Variants in PRH1 observed in about 807,000 individuals in gnomAD.
PRH1 encodes the protein proline rich protein HaeIII subfamily 1.
A neutral mutation model predicts 7.9 loss-of-function variants in PRH1; 7 were observed. The ratio of observed to expected loss-of-function variants is 0.89; its 90% CI spans 0.50 to 1.67. PRH1 has a LOEUF of 1.67. Ranked by LOEUF, PRH1 falls within the 40% of genes most tolerant of loss-of-function variation. The pLI, the probability that PRH1 is intolerant of heterozygous loss-of-function variation, is 0.00. For missense variants in PRH1, 109 were observed against 223.6 expected (o/e 0.49, Z 3.27); for synonymous variants, 45 against 80.8 (o/e 0.56, Z 2.38).
At chr12:10,916,117 T>C (rs559106041) in intron 2 of PRH1, among the ~76,000 whole-genome samples, 1 of 152,264 alleles carries the variant, frequency 6.6e-6, no homozygotes, top group South Asian at 2.1e-4. Context: ...AAGGGACATC[T>C]TACGTGGCAG....
At chr12:10,905,638 C>A (rs1949792325) in intron 2 of PRH1, among the ~76,000 whole-genome samples, 1 of 151,132 alleles carries the variant, frequency 6.6e-6, no homozygotes, top group Non-Finnish European at 1.5e-5. Flanking sequence ...TGCACTTCAG[C>A]CTGAGAAACA....
At chr12:11,127,661 A>G (rs796240102) in intron 1 of PRH1, among the ~76,000 whole-genome samples, 892 of 39,844 alleles carry the variant, frequency 0.022, no homozygotes, top group East Asian at 0.058. Context: ...TGGAAAAATT[A>G]CTGTCCTATA....
At chr12:11,072,158 T>C (rs1487341495) in intron 1 of PRH1, among the ~76,000 whole-genome samples, 1 of 152,148 alleles carries the variant, frequency 6.6e-6, no homozygotes, top group Non-Finnish European at 1.5e-5. Context: ...TTTTTCTTTT[T>C]TTAGTTTTTG....
chr12:11,096,336 A>G (rs1415721967), intron 1 of PRH1, among the ~76,000 whole-genome samples: 1 of 115,282 alleles, frequency 8.7e-6, no homozygotes, highest in Admixed American at 8.7e-5. Context: ...TGTTAACGCT[A>G]TTGGATTCTC....
chr12:10,988,954 A>C (rs917319567), intron 1 of PRH1, among the ~76,000 whole-genome samples: 10 of 152,064 alleles, frequency 6.6e-5, no homozygotes, highest in African/African-American at 2.4e-4. Flanking sequence ...CTACAGGCGC[A>C]TGCCACCACA....
intron 1 of PRH1, among the ~76,000 whole-genome samples, chr12:11,123,087 C>CTATA (rs1288086140): frequency 6.6e-6 from 1 of 152,160 alleles, no homozygotes; most frequent in Non-Finnish European, 1.5e-5. Context: ...AGGTGCAATC[C>CTATA]TATATGTCCT....
chr12:11,077,327 G>T (rs143552376), intron 1 of PRH1: 7,367 of 306,378 alleles, frequency 0.024, 1,629 homozygotes, highest in Middle Eastern at 0.051. Context: ...GGAGTTGAGG[G>T]TTGCTGTCCT....
chr12:10,976,516 A>G lies in PRH1; in HGVS notation c.-125-2795T>C, dbSNP rs182462195. Among the ~76,000 whole-genome samples, 5 of 152,304 alleles carry G rather than the reference A, an allele frequency of 3.3e-5. No individual in the cohort carries two copies. In the East Asian group the frequency reaches 9.7e-4, roughly 29 times the overall value. On this transcript the variant is annotated intron_variant, in intron 1 of 3. Coordinates refer to the PRH1 transcript ENST00000539853. ...CTAACATCCCAACAAAAAGACCTAGACAACCATGAGCAAACCAATGCCAAA... is the reference window on the plus strand; with the variant it reads ...CTAACATCCCAACAAAAAGACCTAGGCAACCATGAGCAAACCAATGCCAAA...
chr12:10,969,311 G>A (rs1341859243), intron 2 of PRH1, among the ~76,000 whole-genome samples: 1 of 152,066 alleles, frequency 6.6e-6, no homozygotes, highest in Admixed American at 6.5e-5. Context: ...TACCGGTGGA[G>A]CCTGGGGTTT....
At chr12:10,973,744 C>T (rs1306534993) in intron 1 of PRH1, 1 of 777,526 alleles carries the variant, frequency 1.3e-6, no homozygotes, top group South Asian at 1.3e-5. Flanking sequence ...AAATAAAAGG[C>T]CAAAATTATA....
At chr12:11,114,631 T>G (rs1945680931) in intron 1 of PRH1, among the ~76,000 whole-genome samples, 1 of 152,124 alleles carries the variant, frequency 6.6e-6, no homozygotes, top group Admixed American at 6.5e-5. Context: ...TCTGCACATG[T>G]ATCCCAGAAG....
intron 1 of PRH1, among the ~76,000 whole-genome samples, chr12:11,129,624 A>G (rs377306976): frequency 1.2e-4 from 18 of 152,294 alleles, no homozygotes; most frequent in East Asian, 9.6e-4. Flanking sequence ...CAACACTCAC[A>G]AATGCTTTCC....
chr12:11,065,711 AAAAT>A (rs1943778969), intron 1 of PRH1, among the ~76,000 whole-genome samples: 1 of 152,200 alleles, frequency 6.6e-6, no homozygotes, highest in Non-Finnish European at 1.5e-5. Context: ...AACTTCTTAA[AAAAT>A]AGTTTTTGTA....
rs569672612 is a variant in PRH1 at position 11,080,228 on chromosome 12, C to T, written n.124-33040G>A. Among the ~76,000 whole-genome samples the T allele has an allele frequency of 1.1e-4, 13 of 117,972 alleles. 2 individuals carry two copies. The highest frequency in any genetic ancestry group is 3.7e-4 in the African/African-American group (13 of 35,254). The allele number at this position is 117,972 out of a possible 152,430, so 77.4% of individuals were successfully genotyped here. ...GCCCACTTTGAAATGTTTATAGGTG[C>T]AATCCTATATGTTCTTATTCATGGC... On this transcript the variant is annotated intron_variant and non_coding_transcript_variant, in intron 1 of 4. Transcript: ENST00000541977.
intron 1 of PRH1, chr12:10,997,637 A>G (rs763305809): frequency 6.2e-7 from 1 of 1,613,728 alleles, no homozygotes; most frequent in Non-Finnish European, 8.5e-7. Flanking sequence ...AAAAATTATT[A>G]CTTTTAAATT....
upstream of PRH1, among the ~76,000 whole-genome samples, chr12:11,051,392 GTAA>G (rs1209552385): frequency 2.6e-5 from 4 of 151,932 alleles, no homozygotes; most frequent in South Asian, 4.2e-4. Context: ...AATGAGCAGA[GTAA>G]TAATAATTTT....
At chr12:11,038,325 T>G (rs1442752190) in intron 1 of PRH1, among the ~76,000 whole-genome samples, 1 of 152,242 alleles carries the variant, frequency 6.6e-6, no homozygotes, top group African/African-American at 2.4e-5. Flanking sequence ...GAAAAAAGAA[T>G]TTGCCAGCCA....
chr12:10,984,818 A>G (rs866651370), intron 1 of PRH1, among the ~76,000 whole-genome samples: 4 of 152,074 alleles, frequency 2.6e-5, no homozygotes, highest in African/African-American at 7.2e-5. Flanking sequence ...GTCTCATTGT[A>G]TTATTTGCAA....
At chr12:10,974,217 G>GCTA (rs1394128811) in intron 1 of PRH1, among the ~76,000 whole-genome samples, 1 of 152,078 alleles carries the variant, frequency 6.6e-6, no homozygotes, top group Non-Finnish European at 1.5e-5. Flanking sequence ...ATGAATTTAG[G>GCTA]CTACTGCCAA....
Sources: gnomAD v4.1 joint callset for allele counts (sites outside exome capture counted in the v4.1 genomes callset) on GRCh38, gnomAD v4.1.1 for gene constraint, MANE v1.5 for transcripts, NCBI Gene and HGNC (gene_info 2026-07-23, HGNC 2026-07-21) for gene names.